Variants in CYP39A1 observed in about 807,000 individuals in gnomAD.
The protein encoded by CYP39A1 is 24-hydroxycholesterol 7-alpha-hydroxylase.
Under a neutral mutation model 58.1 loss-of-function variants are expected in CYP39A1, and 49 were observed. The ratio of observed to expected loss-of-function variants is 0.84; its 90% CI spans 0.67 to 1.07. CYP39A1 has a LOEUF of 1.07. CYP39A1 is among the 50% of genes least tolerant of loss of function. The pLI, the probability that CYP39A1 is intolerant of heterozygous loss-of-function variation, is 0.00. For missense variants in CYP39A1, 531 were observed against 539.4 expected (o/e 0.98, Z 0.16); for synonymous variants, 209 against 187.6 (o/e 1.11, Z -0.93).
intron 10 of CYP39A1, among the ~76,000 whole-genome samples, chr6:46,567,444 C>T (rs1385666748): frequency 1.3e-5 from 2 of 151,990 alleles, no homozygotes; most frequent in African/African-American, 4.8e-5. Flanking sequence ...AGGGCAAATA[C>T]TTCTTTTGAG....
intron 7 of CYP39A1, among the ~76,000 whole-genome samples, chr6:46,598,907 A>T (rs1439011471): frequency 6.6e-6 from 1 of 152,126 alleles, no homozygotes; most frequent in Non-Finnish European, 1.5e-5. Context: ...GGTGGTGCTG[A>T]TTTACTTTTT....
chr6:46,565,572 G>A lies in CYP39A1; in HGVS notation c.1251-11718C>T, dbSNP rs987279400. On this transcript the variant is annotated intron_variant, in intron 10 of 11. Coordinates refer to ENST00000275016, the MANE Select transcript of CYP39A1 (RefSeq NM_016593.5). ...CACATCAAACGAATCTGGTGTAGAC[G>A]TTTATGTAACAATGTTGTGAGTTGC... 7.2e-5 allele frequency among the ~76,000 whole-genome samples: 11 copies of A among 152,226 alleles called. No homozygotes were observed. The East Asian group carries it at 1.7e-3, about 24-fold the overall frequency.
At chr6:46,567,685 T>C (rs184934615) in intron 10 of CYP39A1, among the ~76,000 whole-genome samples, 2 of 152,282 alleles carry the variant, frequency 1.3e-5, no homozygotes, top group East Asian at 1.9e-4. Context: ...CTCAAAAATA[T>C]ATAGAGATGA....
At chr6:46,570,143 T>G (rs1399735166) in intron 10 of CYP39A1, among the ~76,000 whole-genome samples, 3 of 152,144 alleles carry the variant, frequency 2.0e-5, no homozygotes, top group Non-Finnish European at 2.9e-5. Context: ...TGGTTTTATT[T>G]AAATGCACAT....
At chr6:46,551,382 A>AAC (rs1770385607) in intron 11 of CYP39A1, among the ~76,000 whole-genome samples, 2 of 151,694 alleles carry the variant, frequency 1.3e-5, no homozygotes, top group African/African-American at 4.8e-5. Flanking sequence ...AAAAAAAAAA[A>AAC]AACAACCATA....
chr6:46,615,338 A>G (rs1774462329), intron 7 of CYP39A1, among the ~76,000 whole-genome samples: 1 of 151,924 alleles, frequency 6.6e-6, no homozygotes, highest in South Asian at 2.1e-4. Context: ...TTATATATGC[A>G]CATGTCTGTG....
chr6:46,560,373 TAG>T (rs1491309859), intron 10 of CYP39A1, among the ~76,000 whole-genome samples: 1 of 152,082 alleles, frequency 6.6e-6, no homozygotes, highest in African/African-American at 2.4e-5. Context: ...AAGCCATAGT[TAG>T]AGTCTGGATA....
At chr6:46,584,263 C>G (rs2150506401) in intron 10 of CYP39A1, among the ~76,000 whole-genome samples, 1 of 152,206 alleles carries the variant, frequency 6.6e-6, no homozygotes, top group Middle Eastern at 3.4e-3. Context: ...TTAAATAGGT[C>G]ACATGTATTC....
chr6:46,642,195 T>A lies in CYP39A1; in HGVS notation c.281A>T (p.Glu94Val). ...ATAAACGATATTTTGCACTGCTAGTTCAAAATCTACTTTTTTGGATTTTAG... is the reference window on the plus strand; with the variant it reads ...ATAAACGATATTTTGCACTGCTAGTACAAAATCTACTTTTTTGGATTTTAG... ...VFLKSKKVDF[E>V]LAVQNIVYRT... Residue 94 changes from glutamate to valine, a missense_variant, in exon 2 of 12, where the codon GAA (glutamate) becomes GTA (valine). Physicochemically the swap from Glu to Val is moderately radical, Grantham distance 121. Coordinates refer to ENST00000275016, the MANE Select transcript of CYP39A1 (RefSeq NM_016593.5). 6.2e-7 allele frequency: 1 copy of A among 1,612,834 alleles called. No individual in the cohort carries two copies. The highest frequency in any genetic ancestry group is 8.5e-7 in the Non-Finnish European group (1 of 1,179,262).
At chr6:46,622,414 T>C (rs928626713) in intron 7 of CYP39A1, among the ~76,000 whole-genome samples, 1 of 152,002 alleles carries the variant, frequency 6.6e-6, no homozygotes, top group Admixed American at 6.6e-5. Flanking sequence ...GATGACAACC[T>C]GAGAACGCAC....
intron 1 of CYP39A1, among the ~76,000 whole-genome samples, chr6:46,648,351 T>C (rs533116099): frequency 6.6e-4 from 101 of 152,208 alleles, no homozygotes; most frequent in African/African-American, 2.4e-3. Flanking sequence ...GATGAGTTCA[T>C]GTCCTTTGTA....
chr6:46,641,473 A>G (rs1290917440), intron 2 of CYP39A1, among the ~76,000 whole-genome samples: 3 of 152,226 alleles, frequency 2.0e-5, no homozygotes, highest in African/African-American at 7.2e-5. Context: ...AGGGAAACAG[A>G]GAGAAAGAAG....
At chr6:46,553,572 T>C (rs1187834820) in intron 11 of CYP39A1, among the ~76,000 whole-genome samples, 195 bp downstream of exon 11, 2 of 152,178 alleles carry the variant, frequency 1.3e-5, no homozygotes, top group Non-Finnish European at 2.9e-5. Context: ...CAGGTAGTAA[T>C]TGGGTACATA....
intron 10 of CYP39A1, among the ~76,000 whole-genome samples, chr6:46,581,100 A>G (rs1245650661): frequency 6.6e-6 from 1 of 152,192 alleles, no homozygotes; most frequent in Non-Finnish European, 1.5e-5. Flanking sequence ...GCCCACTAAC[A>G]GTGGACTGGA....
At chr6:46,613,573 G>C (rs1260895017) in intron 7 of CYP39A1, among the ~76,000 whole-genome samples, 1 of 151,994 alleles carries the variant, frequency 6.6e-6, no homozygotes, top group Non-Finnish European at 1.5e-5. Context: ...TTTAAATAAA[G>C]GCAAAGTAAA....
chr6:46,596,347 TAATGTGATG>T (rs1318273074), intron 7 of CYP39A1, among the ~76,000 whole-genome samples: 1 of 152,098 alleles, frequency 6.6e-6, no homozygotes, highest in Non-Finnish European at 1.5e-5. Context: ...TTGATTACTG[TAATGTGATG>T]GATTGGTATC....
At chr6:46,601,396 C>T (rs750544667) in intron 7 of CYP39A1, among the ~76,000 whole-genome samples, 3 of 152,174 alleles carry the variant, frequency 2.0e-5, no homozygotes, top group South Asian at 4.1e-4. Context: ...TCAGGACCCA[C>T]GAATGGCTTC....
chr6:46,577,290 G>A (rs1424994130), intron 10 of CYP39A1, among the ~76,000 whole-genome samples: 2 of 152,064 alleles, frequency 1.3e-5, no homozygotes, highest in East Asian at 3.9e-4. Context: ...CTACCAAACA[G>A]AAATCAAAGA....
chr6:46,631,116 A>G, intron 5 of CYP39A1, 46 bp from the exon 6 acceptor site: 1 of 1,343,184 alleles, frequency 7.4e-7, no homozygotes, highest in Non-Finnish European at 1.1e-6. Flanking sequence ...TATGTGACAA[A>G]TATCGATGTT....
Sources: gnomAD v4.1 joint callset for allele counts (sites outside exome capture counted in the v4.1 genomes callset) on GRCh38, gnomAD v4.1.1 for gene constraint, MANE v1.5 for transcripts, NCBI Gene and HGNC (gene_info 2026-07-23, HGNC 2026-07-21) for gene names.